Variants in AHCTF1 observed in about 807,000 individuals in gnomAD.
AHCTF1 encodes the protein AT-hook containing transcription factor 1.
Under a neutral mutation model 248.4 loss-of-function variants are expected in AHCTF1, and 24 were observed. The ratio of observed to expected loss-of-function variants is 0.10; its 90% CI spans 0.07 to 0.14. The LOEUF (loss-of-function observed/expected upper bound fraction) is 0.14. Ranked by LOEUF, AHCTF1 falls within the 10% of genes least tolerant of loss-of-function variation. AHCTF1 has a pLI of 1.00. For synonymous variants in AHCTF1, 786 were observed against 929.8 expected, an observed-to-expected ratio of 0.85 and a Z score of 2.81; for missense variants, 2,206 against 2,636.2, an observed-to-expected ratio of 0.84 and a Z score of 3.57.
chr1:246,860,033 A>AGGCAGATCACGAGGTC (rs1220413374), intron 29 of AHCTF1, among the ~76,000 whole-genome samples: 1 of 152,108 alleles, frequency 6.6e-6, no homozygotes, highest in African/African-American at 2.4e-5. Context: ...AGTCCGAGGC[A>AGGCAGATCACGAGGTC]GGCAGATCAC....
intron 31 of AHCTF1, 62 bp from the exon 32 acceptor site, chr1:246,853,361 A>C: frequency 7.2e-7 from 1 of 1,388,650 alleles, no homozygotes; most frequent in Non-Finnish European, 9.9e-7. Flanking sequence ...CACACAAGGA[A>C]GCAAACAGAA....
At chr1:246,902,807 A>G (rs1414008374) in intron 7 of AHCTF1, 132 bp from the exon 8 acceptor site, 8 of 845,232 alleles carry the variant, frequency 9.5e-6, no homozygotes, top group Admixed American at 3.6e-5. Flanking sequence ...AGAACCAATC[A>G]TGGAAAAAGG....
intron 1 of AHCTF1, among the ~76,000 whole-genome samples, chr1:246,930,887 A>G (rs572500107): frequency 1.3e-5 from 2 of 152,352 alleles, no homozygotes; most frequent in East Asian, 3.9e-4. Context: ...CTTTGCACAC[A>G]GATAGTATGA....
intron 1 of AHCTF1, among the ~76,000 whole-genome samples, chr1:246,926,197 G>A (rs1186758962): frequency 2.0e-5 from 3 of 152,144 alleles, no homozygotes; most frequent in Admixed American, 2.0e-4. Flanking sequence ...TGCCTGCACA[G>A]CCTGCAGAAC....
intron 23 of AHCTF1, 22 bp downstream of exon 23, chr1:246,876,925 CATA>C (rs1395903751): frequency 6.2e-7 from 1 of 1,609,730 alleles, no homozygotes; most frequent in South Asian, 1.1e-5. Flanking sequence ...TCTTATCCCC[CATA>C]ATAAGACAAC....
intron 1 of AHCTF1, among the ~76,000 whole-genome samples, chr1:246,930,442 C>T (rs1667264615): frequency 6.6e-6 from 1 of 152,130 alleles, no homozygotes; most frequent in African/African-American, 2.4e-5. Flanking sequence ...CTTCCCATAG[C>T]GCTTGGCACA....
chr1:246,905,391 G>A (rs1408599112), intron 6 of AHCTF1, 150 bp downstream of exon 6: 10 of 578,798 alleles, frequency 1.7e-5, no homozygotes, highest in South Asian at 4.0e-5. Context: ...CCAGCTACTC[G>A]GGAGGCTGAG....
chr1:246,884,194 A>G (rs1663651774), intron 21 of AHCTF1, among the ~76,000 whole-genome samples: 1 of 152,206 alleles, frequency 6.6e-6, no homozygotes, highest in African/African-American at 2.4e-5. Flanking sequence ...TACAATTTTG[A>G]TCTCATAAAA....
At chr1:246,855,567 T>C (rs1478326417) in intron 31 of AHCTF1, among the ~76,000 whole-genome samples, 163 bp downstream of exon 31, 1 of 151,998 alleles carries the variant, frequency 6.6e-6, no homozygotes, top group East Asian at 1.9e-4. Context: ...AGCTTATATA[T>C]CTCCTTAGAA....
At chr1:246,904,971 G>C (rs1665278625) in intron 6 of AHCTF1, among the ~76,000 whole-genome samples, 1 of 152,226 alleles carries the variant, frequency 6.6e-6, no homozygotes, top group Admixed American at 6.5e-5. Flanking sequence ...GAGAACAAGA[G>C]AGCAGGGTAC....
intron 34 of AHCTF1, among the ~76,000 whole-genome samples, 176 bp downstream of exon 34, chr1:246,843,619 T>TG (rs1443540065): frequency 6.6e-6 from 1 of 152,082 alleles, no homozygotes; most frequent in Admixed American, 6.6e-5. Context: ...TCCAAAGGGG[T>TG]GGATACGACC....
chr1:246,840,770 T>G lies in AHCTF1; in HGVS notation c.*36A>C, dbSNP rs1558199911. 1 of 1,502,768 alleles carries G rather than the reference T, an allele frequency of 6.7e-7. No individual in the cohort carries two copies. Among genetic ancestry groups the G allele is most frequent in the East Asian group, 2.3e-5 (1 of 43,580 alleles). 93.1% of individuals were successfully genotyped at this position (1,502,768 alleles called of 1,614,324 possible). On this transcript the variant is annotated 3_prime_UTR_variant, in exon 36 of 36. Coordinates refer to ENST00000648844, the MANE Select transcript of AHCTF1 (RefSeq NM_001323342.2). ...AATAATCCACACTATTCTGATGACT[T>G]TACAAATAGGTGTACATTAAAATCT...
In AHCTF1 at chr1:246,852,984, T is replaced by C. The variant is rs868081959; in HGVS notation, c.4563+107A>G. On this transcript the variant is annotated intron_variant, in intron 32 of 35. Coordinates refer to ENST00000648844, the MANE Select transcript of AHCTF1 (RefSeq NM_001323342.2). The stretch of plus-strand genomic sequence containing the variant: ...CCATATTTTTATAAATAAGTTTTTA[T>C]ATAGCAGTCAAATAAATGAACGTGT... 108 of 758,342 alleles carry C rather than the reference T, an allele frequency of 1.4e-4. 2 individuals are homozygous for C. The Middle Eastern group carries it at 2.1e-3, about 15-fold the overall frequency. The allele number at this position is 758,342 out of a possible 1,614,324, so 47.0% of individuals were successfully genotyped here.
intron 1 of AHCTF1, among the ~76,000 whole-genome samples, chr1:246,920,353 G>C (rs112613828): frequency 6.6e-6 from 1 of 151,916 alleles, no homozygotes; most frequent in African/African-American, 2.4e-5. Context: ...AAATCAAGTA[G>C]ATTTGAAAAA....
At chr1:246,848,468 T>C (rs1457021354) in intron 33 of AHCTF1, among the ~76,000 whole-genome samples, 1 of 151,826 alleles carries the variant, frequency 6.6e-6, no homozygotes, top group Non-Finnish European at 1.5e-5. Context: ...CCCAAAGTGC[T>C]GGGATTACAG....
At chr1:246,860,875 G>GATCACTAAAAT in intron 29 of AHCTF1, 24 bp downstream of exon 29, 1 of 1,588,334 alleles carries the variant, frequency 6.3e-7, no homozygotes, top group South Asian at 1.1e-5. Flanking sequence ...TAACAATTTT[G>GATCACTAAAAT]AGTATTCAGA....
At chr1:246,929,865 A>T (rs1164628057) in intron 1 of AHCTF1, among the ~76,000 whole-genome samples, 2 of 152,222 alleles carry the variant, frequency 1.3e-5, no homozygotes, top group Non-Finnish European at 1.5e-5. Context: ...CAGCCTGGCC[A>T]ATATGGTGAA....
chr1:246,868,998 C>CCT (rs1662303728), intron 24 of AHCTF1, among the ~76,000 whole-genome samples: 11 of 151,244 alleles, frequency 7.3e-5, no homozygotes, highest in Non-Finnish European at 1.5e-4. Context: ...GCGCCCGCCA[C>CCT]CATGCCTGGC....
At chr1:246,929,177 G>A (rs1325629974) in intron 1 of AHCTF1, among the ~76,000 whole-genome samples, 4 of 152,172 alleles carry the variant, frequency 2.6e-5, no homozygotes, top group Non-Finnish European at 5.9e-5. Context: ...GGTTGGCCGA[G>A]GTGGGCAGAT....
Sources: gnomAD v4.1 joint callset for allele counts (sites outside exome capture counted in the v4.1 genomes callset) on GRCh38, gnomAD v4.1.1 for gene constraint, MANE v1.5 for transcripts, NCBI Gene and HGNC (gene_info 2026-07-23, HGNC 2026-07-21) for gene names.